ADAMTSL1: variants seen among roughly 807,000 people sequenced by gnomAD.
ADAMTSL1 encodes ADAMTS like 1, also known as ADAMTS-like protein 1.
ADAMTSL1 carries 126 observed loss-of-function variants against 201.8 expected under a neutral mutation model. That is an observed-to-expected ratio of 0.62 (90% CI 0.54 to 0.72). ADAMTSL1 has a LOEUF of 0.72. Ranked by LOEUF, ADAMTSL1 falls within the 30% of genes least tolerant of loss-of-function variation. The pLI, the probability that ADAMTSL1 is intolerant of heterozygous loss-of-function variation, is 0.00. For missense variants in ADAMTSL1, 2,679 were observed against 2,277.8 expected (o/e 1.18, Z -3.59); for synonymous variants, 1,121 against 903.4 (o/e 1.24, Z -4.32).
intron 28 of ADAMTSL1, 28 bp from the exon 29 acceptor site, chr9:18,908,414 C>G (rs932649793): frequency 9.8e-6 from 15 of 1,534,880 alleles, no homozygotes; most frequent in Non-Finnish European, 1.3e-5. Context: ...TTTCTGTCTC[C>G]TCTCCCGACC....
At chr9:18,068,717 AACAAGTTT>A (rs1160357636) in intron 1 of ADAMTSL1, among the ~76,000 whole-genome samples, 1 of 152,230 alleles carries the variant, frequency 6.6e-6, no homozygotes, top group Non-Finnish European at 1.5e-5. Flanking sequence ...TAATATATTT[AACAAGTTT>A]TCACTGAAAG....
At chr9:18,870,908 G>A (rs1827841395) in intron 23 of ADAMTSL1, among the ~76,000 whole-genome samples, 1 of 152,148 alleles carries the variant, frequency 6.6e-6, no homozygotes, top group East Asian at 1.9e-4. Context: ...GTTGTTTTAA[G>A]AGTTTTCTGG....
intron 2 of ADAMTSL1, among the ~76,000 whole-genome samples, chr9:18,514,874 A>G (rs191281578): frequency 6.6e-6 from 1 of 152,296 alleles, no homozygotes; most frequent in East Asian, 1.9e-4. Context: ...CTGATATTAG[A>G]GGAAAAGCCA....
chr9:18,089,803 G>T (rs940706781), intron 1 of ADAMTSL1, among the ~76,000 whole-genome samples: 37 of 152,210 alleles, frequency 2.4e-4, no homozygotes, highest in African/African-American at 8.9e-4. Context: ...TTTCAGTCAC[G>T]CAATGTGATA....
At chr9:18,666,783 C>T (rs910569346) in intron 9 of ADAMTSL1, among the ~76,000 whole-genome samples, 7 of 152,042 alleles carry the variant, frequency 4.6e-5, no homozygotes, top group African/African-American at 1.7e-4. Flanking sequence ...AGCATGAATC[C>T]AGCTAATAAA....
At chr9:18,410,284 G>A (rs1334570986) in intron 2 of ADAMTSL1, among the ~76,000 whole-genome samples, 2 of 151,710 alleles carry the variant, frequency 1.3e-5, no homozygotes, top group Non-Finnish European at 2.9e-5. Context: ...GTGCCATGGT[G>A]GTTTACTGTG....
intron 7 of ADAMTSL1, among the ~76,000 whole-genome samples, chr9:18,645,888 A>G (rs1333152110): frequency 7.3e-6 from 1 of 137,214 alleles, no homozygotes; most frequent in African/African-American, 2.8e-5. Flanking sequence ...TTTTGGTTCC[A>G]TATGAACTTT....
chr9:18,333,862 C>T (rs1835127628), intron 2 of ADAMTSL1, among the ~76,000 whole-genome samples: 1 of 152,158 alleles, frequency 6.6e-6, no homozygotes, highest in African/African-American at 2.4e-5. Context: ...TCTTAATTCA[C>T]ACCCTTGAGA....
At chr9:18,828,762 T>G (rs1173411829) in intron 22 of ADAMTSL1, among the ~76,000 whole-genome samples, 5 of 147,892 alleles carry the variant, frequency 3.4e-5, no homozygotes, top group African/African-American at 1.2e-4. Flanking sequence ...TTCATCATTG[T>G]TTTCTCTATA....
At chr9:18,178,470 A>G (rs910029729) in intron 2 of ADAMTSL1, among the ~76,000 whole-genome samples, 1 of 152,176 alleles carries the variant, frequency 6.6e-6, no homozygotes, top group African/African-American at 2.4e-5. Context: ...GCCATTGCCC[A>G]GGCTTGCTTA....
At chr9:18,027,832 T>C (rs139048097) in intron 1 of ADAMTSL1, among the ~76,000 whole-genome samples, 2 of 152,186 alleles carry the variant, frequency 1.3e-5, no homozygotes, top group South Asian at 2.1e-4. Flanking sequence ...ACCTCAACTA[T>C]TATTGTGTGG....
chr9:18,433,158 C>T (rs1819572189), intron 2 of ADAMTSL1, among the ~76,000 whole-genome samples: 1 of 151,994 alleles, frequency 6.6e-6, no homozygotes, highest in South Asian at 2.1e-4. Context: ...ATAAACCCTT[C>T]CCGTGCTGAC....
chr9:18,871,199 T>G (rs560278592), intron 23 of ADAMTSL1, among the ~76,000 whole-genome samples: 48 of 152,292 alleles, frequency 3.2e-4, no homozygotes, highest in East Asian at 3.1e-3. Context: ...TTACCAGAGG[T>G]GGGGAGCCTA....
chr9:18,001,427 A>G (rs1404623810), intron 1 of ADAMTSL1, among the ~76,000 whole-genome samples: 12 of 152,064 alleles, frequency 7.9e-5, no homozygotes, highest in Admixed American at 7.9e-4. Flanking sequence ...CCTGTCCTCA[A>G]GGAGCTCACA....
At chr9:18,165,602 G>C (rs1827594934) in intron 2 of ADAMTSL1, among the ~76,000 whole-genome samples, 1 of 151,732 alleles carries the variant, frequency 6.6e-6, no homozygotes, top group Non-Finnish European at 1.5e-5. Flanking sequence ...CATTTTACCT[G>C]TTTTACCTAA....
chr9:17,964,907 G>A (rs1817918924), intron 1 of ADAMTSL1, among the ~76,000 whole-genome samples: 1 of 151,896 alleles, frequency 6.6e-6, no homozygotes, highest in South Asian at 2.1e-4. Flanking sequence ...GTCTTGCTCT[G>A]TCGCCCAGGC....
At chr9:18,584,369 C>T (rs920319345) in intron 4 of ADAMTSL1, among the ~76,000 whole-genome samples, 1 of 151,510 alleles carries the variant, frequency 6.6e-6, no homozygotes, top group African/African-American at 2.4e-5. Flanking sequence ...ATTGTGAGGC[C>T]CCCCCCAGCC....
chr9:18,807,378 C>T (rs1444691005), intron 20 of ADAMTSL1, among the ~76,000 whole-genome samples: 2 of 152,196 alleles, frequency 1.3e-5, no homozygotes, highest in African/African-American at 4.8e-5. Flanking sequence ...GGCGCGGTAG[C>T]TCACGCCTGA....
At chr9:18,214,583 C>G (rs142437135) in intron 2 of ADAMTSL1, among the ~76,000 whole-genome samples, 94 of 152,244 alleles carry the variant, frequency 6.2e-4, no homozygotes, top group Middle Eastern at 3.4e-3. Flanking sequence ...GATATAACAA[C>G]AGTTCCACAA....
Sources: gnomAD v4.1 joint callset for allele counts (sites outside exome capture counted in the v4.1 genomes callset) on GRCh38, gnomAD v4.1.1 for gene constraint, MANE v1.5 for transcripts, NCBI Gene and HGNC (gene_info 2026-07-23, HGNC 2026-07-21) for gene names.